Variants in PJA2 observed in about 807,000 individuals in gnomAD.
The protein encoded by PJA2 is E3 ubiquitin-protein ligase Praja-2.
A neutral mutation model predicts 69.3 loss-of-function variants in PJA2; 25 were observed. The ratio of observed to expected loss-of-function variants is 0.36; its 90% CI spans 0.26 to 0.50. The LOEUF is 0.50. Among genes scored for constraint, PJA2 ranks in the 20% least tolerant of loss-of-function variants. PJA2 has a pLI of 0.96. For missense variants in PJA2, 809 were observed against 830.2 expected, an observed-to-expected ratio of 0.97 and a Z score of 0.31; for synonymous variants, 308 against 277.8, an observed-to-expected ratio of 1.11 and a Z score of -1.08.
intron 7 of PJA2, among the ~76,000 whole-genome samples, chr5:109,351,488 T>A (rs1201979797): frequency 6.6e-6 from 1 of 152,128 alleles, no homozygotes; most frequent in Non-Finnish European, 1.5e-5. Context: ...ATTTTAAACA[T>A]TTTTCTAGCG....
At chr5:109,400,624 T>A (rs915335351) in intron 1 of PJA2, among the ~76,000 whole-genome samples, 1 of 151,988 alleles carries the variant, frequency 6.6e-6, no homozygotes, top group Admixed American at 6.6e-5. Context: ...GCAGTATAAA[T>A]ACAAAACACA....
At chr5:109,397,412 G>C (rs151336404) in intron 1 of PJA2, among the ~76,000 whole-genome samples, 37 of 152,070 alleles carry the variant, frequency 2.4e-4, no homozygotes, top group South Asian at 1.5e-3. Flanking sequence ...GAAAGCTGGA[G>C]TGTCATTCCC....
chr5:109,369,369 G>A (rs1333819268), intron 4 of PJA2, among the ~76,000 whole-genome samples: 1 of 152,154 alleles, frequency 6.6e-6, no homozygotes, highest in African/African-American at 2.4e-5. Context: ...CATATGGCAA[G>A]TTATGGAATA....
chr5:109,400,485 GA>G (rs1466696642), intron 1 of PJA2, among the ~76,000 whole-genome samples: 54 of 142,580 alleles, frequency 3.8e-4, no homozygotes, highest in East Asian at 6.6e-4. Flanking sequence ...CCAGCAGGGG[GA>G]GGGGGGGGAA....
At chr5:109,344,460 T>G in intron 8 of PJA2, 149 bp from the exon 9 acceptor site, 1 of 853,546 alleles carries the variant, frequency 1.2e-6, no homozygotes, top group Non-Finnish European at 1.7e-6. Context: ...TGTCTAATAC[T>G]TGGCAATTTG....
chr5:109,361,306 G>A (rs774397984), intron 6 of PJA2, among the ~76,000 whole-genome samples: 5 of 152,114 alleles, frequency 3.3e-5, no homozygotes, highest in Non-Finnish European at 7.4e-5. Context: ...TATAGAACAA[G>A]TTTTATGGAG....
chr5:109,344,029 A>G, intron 9 of PJA2, among the ~76,000 whole-genome samples, 161 bp downstream of exon 9: 1 of 150,152 alleles, frequency 6.7e-6, no homozygotes, highest in African/African-American at 2.5e-5. Flanking sequence ...CCCTGGAGGC[A>G]GAGGTTGCAG....
rs916556182 is a variant in PJA2, at chr5:109,344,100, C to CAAA, written c.2001+87_2001+89dup. On this transcript the variant is annotated intron_variant, in intron 9 of 9. Transcript: ENST00000361189. Reference sequence around the variant, plus strand: ...TGACAAGAGCGAAACTTTGTCTCACCAAAAAAAAAAAAAAAAAAAAGATAC... The same window carrying CAAA: ...TGACAAGAGCGAAACTTTGTCTCACCAAAAAAAAAAAAAAAAAAAAAAAGATAC... The CAAA allele has an allele frequency of 3.0e-3, 1,201 of 397,974 alleles. 2 individuals are homozygous for CAAA. The highest frequency in any genetic ancestry group is 6.7e-3 in the African/African-American group (165 of 24,812). 24.7% of individuals were successfully genotyped at this position (397,974 alleles called of 1,614,324 possible). A position where few individuals can be genotyped will look rare whatever the true frequency, so the allele number is the denominator to read the frequency against.
At position 109,357,014 on chromosome 5, in the gene PJA2, TTTCTC is replaced by T. The variant is rs147523267; in HGVS notation, c.1653-993_1653-989del. On this transcript the variant is annotated intron_variant, in intron 6 of 9. Transcript: ENST00000361189. ...CCGTTAAGTATGTCCTTGGTCCTCT[TTTCTC>T]TAATCTTGCTCCCTTGGAAATTATT... 6.9e-3 allele frequency among the ~76,000 whole-genome samples: 1,056 copies of T among 152,268 alleles called. 11 individuals carry two copies. The highest frequency in any genetic ancestry group is 0.024 in the African/African-American group (998 of 41,554).
intron 4 of PJA2, among the ~76,000 whole-genome samples, chr5:109,376,456 A>G (rs988507422): frequency 1.3e-5 from 2 of 152,042 alleles, no homozygotes; most frequent in African/African-American, 2.4e-5. Context: ...TCAAGGAGCC[A>G]GGAAGACTAC....
chr5:109,397,537 G>C (rs1438154040), intron 1 of PJA2, among the ~76,000 whole-genome samples: 1 of 151,220 alleles, frequency 6.6e-6, no homozygotes, highest in Non-Finnish European at 1.5e-5. Context: ...TTTATTTTTT[G>C]AGACGGAGTC....
chr5:109,378,762 G>C lies in PJA2; in HGVS notation c.725C>G (p.Ser242Cys), dbSNP rs1364073233. Reference protein sequence around the residue: ...ELDSVPLVKSSAGDTEFVHQN... With the variant: ...ELDSVPLVKSCAGDTEFVHQN... ...ATGGACAAACTCAGTATCACCAGCA[G>C]AACTTTTCACTAATGGTACAGAATC... is the stretch of plus-strand genomic sequence containing the variant. The change falls in exon 4 of 10, where the codon TCT becomes TGT. Residue 242 changes from serine to cysteine, a missense_variant. Physicochemically the swap from Ser to Cys is moderately radical, Grantham distance 112. Around this residue, in one of 4 missense-constraint regions of PJA2, gnomAD observed 700 missense variants for 639.5 expected, o/e 1.09. Transcript: ENST00000361189. The C allele has an allele frequency of 1.2e-6, 2 of 1,612,312 alleles. No homozygotes were observed. The highest frequency in any genetic ancestry group is 3.3e-5 in the Admixed American group (2 of 60,022).
Position 109,378,374 on chromosome 5 carries a change from A to G in PJA2, c.1113T>C (p.His371=). The change falls in exon 4 of 10, where the codon CAT becomes CAC. Residue 371 remains histidine, a synonymous_variant. Coordinates refer to ENST00000361189, the MANE Select transcript of PJA2 (RefSeq NM_014819.5). ...LIKCEEYDGE[H]DCMFLDPPYS... is the part of the protein sequence containing the mutation. ...ATGGTGGATCCAAGAACATACAGTCATGCTCTCCATCATATTCTTCACATT... is the reference window on the plus strand; with the variant it reads ...ATGGTGGATCCAAGAACATACAGTCGTGCTCTCCATCATATTCTTCACATT... 13 of 1,614,166 alleles carry G rather than the reference A, an allele frequency of 8.1e-6. No individual in the cohort carries two copies. Among genetic ancestry groups the G allele is most frequent in the Non-Finnish European group, 1.1e-5 (13 of 1,180,004 alleles).
chr5:109,397,613 G>A (rs7710668), intron 1 of PJA2, among the ~76,000 whole-genome samples: 22,606 of 151,966 alleles, frequency 0.15, 2,853 homozygotes, highest in East Asian at 0.35. Context: ...CTGCCTCTCA[G>A]GTTCAAGCAA....
At chr5:109,365,413 G>A (rs1762569009) in intron 5 of PJA2, among the ~76,000 whole-genome samples, 1 of 152,132 alleles carries the variant, frequency 6.6e-6, no homozygotes, top group East Asian at 1.9e-4. Flanking sequence ...GTACACATAT[G>A]TCTACACAAT....
At chr5:109,347,578 A>G (rs1762190159) in intron 7 of PJA2, among the ~76,000 whole-genome samples, 2 of 152,234 alleles carry the variant, frequency 1.3e-5, no homozygotes, top group Non-Finnish European at 2.9e-5. Flanking sequence ...GGGCTTGGTC[A>G]CATCACTGTG....
chr5:109,365,743 C>A (rs898801109), intron 5 of PJA2, among the ~76,000 whole-genome samples: 1 of 152,138 alleles, frequency 6.6e-6, no homozygotes, highest in Non-Finnish European at 1.5e-5. Flanking sequence ...ATTTCAGAAA[C>A]CATCCCTTTA....
chr5:109,356,562 T>C (rs1304458353), intron 6 of PJA2, among the ~76,000 whole-genome samples: 2 of 152,170 alleles, frequency 1.3e-5, no homozygotes, highest in African/African-American at 4.8e-5. Flanking sequence ...GTGAGGGATA[T>C]AGTACATTTC....
At chr5:109,346,754 G>T (rs1028122977) in intron 7 of PJA2, among the ~76,000 whole-genome samples, 1 of 152,210 alleles carries the variant, frequency 6.6e-6, no homozygotes, top group Non-Finnish European at 1.5e-5. Context: ...GGGCTGGAAA[G>T]ATGGGAAAAT....
Sources: allele counts gnomAD v4.1 joint callset (sites outside exome capture counted in the v4.1 genomes callset), GRCh38; gene constraint gnomAD v4.1.1; regional missense constraint gnomAD v4.1.1; transcripts MANE v1.5; gene names NCBI Gene and HGNC (gene_info 2026-07-23, HGNC 2026-07-21).